The following PDE7B variants were observed in gnomAD, a reference collection of about 807,000 sequenced individuals.
PDE7B encodes 3',5'-cyclic-AMP phosphodiesterase 7B.
PDE7B carries 29 observed loss-of-function variants against 56.2 expected under a neutral mutation model. The ratio of observed to expected loss-of-function variants is 0.52; its 90% confidence interval spans 0.38 to 0.70. The LOEUF is 0.70. Among genes scored for constraint, PDE7B ranks in the 30% least tolerant of loss-of-function variants. PDE7B has a pLI of 0.00. For missense variants in PDE7B, 490 were observed against 565.0 expected (o/e 0.87, Z 1.35); for synonymous variants, 197 against 196.9 (o/e 1.00, Z 0.00).
chr6:136,165,769 C>T (rs1039521724), intron 8 of PDE7B: 2 of 152,226 alleles, frequency 1.3e-5, no homozygotes, highest in African/African-American at 4.8e-5. Flanking sequence ...TCCCACGCAA[C>T]ACTTCTGCTA....
At chr6:135,935,200 A>ATATATTTTTATATATATATATATT (rs1774398905) in intron 1 of PDE7B, among the ~76,000 whole-genome samples, 1 of 86,040 alleles carries the variant, frequency 1.2e-5, no homozygotes, top group Non-Finnish European at 2.1e-5. Flanking sequence ...TTATATATAT[A>ATATATTTTTATATATATATATATT]TATATATATA....
chr6:135,916,462 G>A (rs9494415), intron 1 of PDE7B, among the ~76,000 whole-genome samples: 33,151 of 133,442 alleles, frequency 0.25, 4,878 homozygotes, highest in African/African-American at 0.44. Flanking sequence ...GTGCAATCTC[G>A]GCTCACTGCA....
At chr6:135,957,670 C>G (rs1031054172) in intron 2 of PDE7B, among the ~76,000 whole-genome samples, 1 of 152,080 alleles carries the variant, frequency 6.6e-6, no homozygotes, top group Non-Finnish European at 1.5e-5. Flanking sequence ...TTTCTAGCAC[C>G]CTGTGTTGGC....
At chr6:136,085,837 G>A (rs909251602) in intron 2 of PDE7B, among the ~76,000 whole-genome samples, 2 of 152,180 alleles carry the variant, frequency 1.3e-5, no homozygotes, top group Admixed American at 6.5e-5. Flanking sequence ...AGGGAGATGA[G>A]AGTGTGACTG....
rs192343458 is a variant in PDE7B at position 136,177,578 on chromosome 6, A to G, written c.804-1419A>G. 2.1e-3 allele frequency among the ~76,000 whole-genome samples: 325 copies of G among 152,338 alleles called. 1 individual carries two copies. Among genetic ancestry groups the G allele is most frequent in the African/African-American group, 7.4e-3 (309 of 41,568 alleles). On this transcript the variant is annotated intron_variant, in intron 9 of 12. Transcript: ENST00000308191. ...CTCATTAGTAAACAAAATTCATATT[A>G]AAACTACAGTGAGTTGCATGACATG...
intron 2 of PDE7B, among the ~76,000 whole-genome samples, chr6:135,983,850 G>A (rs1055240156): frequency 3.9e-5 from 6 of 152,224 alleles, no homozygotes; most frequent in African/African-American, 1.2e-4. Flanking sequence ...GGCACGAAAG[G>A]AAGATGATAG....
intron 1 of PDE7B, among the ~76,000 whole-genome samples, chr6:135,926,705 T>C (rs1287378027): frequency 6.6e-6 from 1 of 152,168 alleles, no homozygotes. Flanking sequence ...CTGTTTCTAC[T>C]GCTTTCTCAA....
At chr6:136,095,128 A>G (rs975771137) in intron 2 of PDE7B, among the ~76,000 whole-genome samples, 4 of 152,210 alleles carry the variant, frequency 2.6e-5, no homozygotes, top group African/African-American at 9.6e-5. Flanking sequence ...GAGAAATTCT[A>G]CAATTAAAAA....
intron 2 of PDE7B, among the ~76,000 whole-genome samples, chr6:136,085,305 A>G (rs1777274032): frequency 6.6e-6 from 1 of 152,212 alleles, no homozygotes; most frequent in Non-Finnish European, 1.5e-5. Flanking sequence ...GAATCACTCA[A>G]TGCTCAAGGC....
At position 136,131,119 on chromosome 6, in the gene PDE7B, G is replaced by A. The variant is rs547304126; in HGVS notation, c.167-16232G>A. 3.3e-5 allele frequency among the ~76,000 whole-genome samples: 5 copies of A among 152,198 alleles called. No individual in the cohort carries two copies. In the South Asian group the frequency reaches 8.3e-4, roughly 25 times the overall value. On this transcript the variant is annotated intron_variant, in intron 3 of 12. Transcript: ENST00000308191. The stretch of plus-strand genomic sequence containing the variant: ...AGGTGTTCAATGGATATTTATTGGT[G>A]GAGGCTTCCCAGTGTTCATCAGACT...
chr6:135,852,941 C>T (rs77580358), intron 1 of PDE7B, among the ~76,000 whole-genome samples: 1,697 of 152,298 alleles, frequency 0.011, 32 homozygotes, highest in African/African-American at 0.039. Flanking sequence ...ACACTAAATG[C>T]TGCAGGAAGA....
intron 2 of PDE7B, among the ~76,000 whole-genome samples, chr6:135,993,729 C>T (rs1005298940): frequency 5.9e-5 from 9 of 152,188 alleles, no homozygotes; most frequent in Non-Finnish European, 1.3e-4. Context: ...AGCATTAAGG[C>T]AGATTGAACC....
intron 2 of PDE7B, among the ~76,000 whole-genome samples, chr6:136,026,187 T>C (rs762678484): frequency 6.6e-6 from 1 of 152,174 alleles, no homozygotes; most frequent in Non-Finnish European, 1.5e-5. Flanking sequence ...ACCTTAGTGG[T>C]TTAGCATCTG....
intron 3 of PDE7B, among the ~76,000 whole-genome samples, chr6:136,118,602 A>C (rs1777876956): frequency 6.6e-6 from 1 of 152,248 alleles, no homozygotes; most frequent in Non-Finnish European, 1.5e-5. Flanking sequence ...TGTAAGCCAG[A>C]ATTTAAACCC....
chr6:136,057,051 A>C (rs1455025574), intron 2 of PDE7B, among the ~76,000 whole-genome samples: 1 of 152,190 alleles, frequency 6.6e-6, no homozygotes, highest in African/African-American at 2.4e-5. Context: ...CATTTGTAAG[A>C]TGGAAATAAC....
At chr6:136,023,209 C>T (rs1776101616) in intron 2 of PDE7B, among the ~76,000 whole-genome samples, 1 of 152,120 alleles carries the variant, frequency 6.6e-6, no homozygotes, top group South Asian at 2.1e-4. Flanking sequence ...ATTTACTGCA[C>T]CAATGAATAA....
In PDE7B at chr6:135,990,474, G is replaced by A. The variant is rs538781744; in HGVS notation, c.82+42950G>A. Among the ~76,000 whole-genome samples, 4 of 152,246 alleles carry A rather than the reference G, an allele frequency of 2.6e-5. No homozygotes were observed. The South Asian group carries it at 8.3e-4, about 32-fold the overall frequency. ...AGACCATGAGCTTTGGGTTCTTTGG[G>A]AAACAAGTGGTGAGGGTTTTCGAGG... is the stretch of plus-strand genomic sequence containing the variant. On this transcript the variant is annotated intron_variant, in intron 2 of 12. Coordinates refer to ENST00000308191, the MANE Select transcript of PDE7B (RefSeq NM_018945.4).
At chr6:136,040,343 G>T (rs1162718708) in intron 2 of PDE7B, among the ~76,000 whole-genome samples, 2 of 152,146 alleles carry the variant, frequency 1.3e-5, no homozygotes, top group Non-Finnish European at 2.9e-5. Flanking sequence ...ATCCTTACTG[G>T]AATGGGCATA....
chr6:136,103,159 C>CCT (rs1777591618), intron 2 of PDE7B, among the ~76,000 whole-genome samples: 1 of 152,130 alleles, frequency 6.6e-6, no homozygotes, highest in Non-Finnish European at 1.5e-5. Context: ...CAGGAAGCCT[C>CCT]CTACTTAGCC....
Sources: gnomAD v4.1 joint callset for allele counts (sites outside exome capture counted in the v4.1 genomes callset) on GRCh38, gnomAD v4.1.1 for gene constraint, MANE v1.5 for transcripts, NCBI Gene and HGNC (gene_info 2026-07-23, HGNC 2026-07-21) for gene names.